HYDIN: variants seen among roughly 807,000 people sequenced by gnomAD.
HYDIN encodes the protein axonemal central pair apparatus protein HYDIN.
Under a neutral mutation model 403.9 loss-of-function variants are expected in HYDIN, and 132 were observed. The observed-to-expected ratio is 0.33, with a 90% CI of 0.28 to 0.38. The LOEUF (loss-of-function observed/expected upper bound fraction) is 0.38. HYDIN is among the 10% of genes least tolerant of loss of function. The probability of loss-of-function intolerance (pLI) is 1.00; values close to 1 mark genes in which losing one functional copy is unlikely to be tolerated. For synonymous variants in HYDIN, 1,202 were observed against 1,891.7 expected (o/e 0.64, Z 9.46); for missense variants, 2,827 against 5,009.5 (o/e 0.56, Z 13.15).
intron 5 of HYDIN, among the ~76,000 whole-genome samples, chr16:71,168,306 C>A: frequency 8.1e-6 from 1 of 124,064 alleles, no homozygotes; most frequent in African/African-American, 3.2e-5. Context: ...GCAACAAGAG[C>A]AAAACCCTGC....
At chr16:71,207,964 A>G (rs570444980) in intron 1 of HYDIN, among the ~76,000 whole-genome samples, 73 of 152,308 alleles carry the variant, frequency 4.8e-4, no homozygotes, top group African/African-American at 1.7e-3. Flanking sequence ...TTTCACAAAC[A>G]ATAATAGTTG....
chr16:71,206,495 C>T (rs1218317209), intron 1 of HYDIN, among the ~76,000 whole-genome samples: 4 of 152,190 alleles, frequency 2.6e-5, no homozygotes, highest in African/African-American at 9.6e-5. Context: ...AACGCAAGAA[C>T]TCCAGCAACT....
At chr16:70,877,378 A>G (rs1394651665) in intron 62 of HYDIN, among the ~76,000 whole-genome samples, 1 of 152,078 alleles carries the variant, frequency 6.6e-6, no homozygotes, top group Non-Finnish European at 1.5e-5. Flanking sequence ...AATTAAAAGA[A>G]CTCCACACCT....
chr16:71,220,228 T>C (rs1373048256), intron 1 of HYDIN, among the ~76,000 whole-genome samples: 2 of 152,236 alleles, frequency 1.3e-5, no homozygotes, highest in East Asian at 3.8e-4. Flanking sequence ...TTTCATGTTC[T>C]AAATGTTTCT....
chr16:70,835,447 CA>C (rs1270201893), intron 78 of HYDIN, among the ~76,000 whole-genome samples: 1 of 152,120 alleles, frequency 6.6e-6, no homozygotes, highest in Admixed American at 6.5e-5. Context: ...AATGAAAATG[CA>C]AAATGAAAAT....
At position 70,879,727 on chromosome 16, in the gene HYDIN, T is replaced by G; in HGVS notation, c.10245A>C (p.Glu3415Asp). ...CAATGCACATCTTGCTGGGTTCCAC[T>G]TCAAAAATGTCGACGATGCGGGCAA... ...KPFARIVDIF[E>D]VEPSKMCIAS... Residue 3415 changes from glutamate to aspartate, a missense_variant, in exon 61 of 86, where the codon GAA (glutamate) becomes GAC (aspartate). Physicochemically the swap from Glu to Asp is conservative, Grantham distance 45 (BLOSUM62 2). Coordinates refer to ENST00000393567, the MANE Select transcript of HYDIN (RefSeq NM_001270974.2). 1 of 1,376,224 alleles carries G rather than the reference T, an allele frequency of 7.3e-7. No homozygotes were observed. The highest frequency in any genetic ancestry group is 1.0e-6 in the Non-Finnish European group (1 of 980,104). 85.3% of individuals were successfully genotyped at this position (1,376,224 alleles called of 1,614,324 possible).
chr16:71,179,590 A>T (rs930097667), intron 3 of HYDIN, among the ~76,000 whole-genome samples: 1 of 152,272 alleles, frequency 6.6e-6, no homozygotes, highest in Admixed American at 6.5e-5. Context: ...TTCTCATCAT[A>T]CAAAACAATA....
chr16:71,139,151 G>A (rs1456141984), intron 7 of HYDIN, among the ~76,000 whole-genome samples: 6 of 149,562 alleles, frequency 4.0e-5, no homozygotes, highest in Non-Finnish European at 5.9e-5. Flanking sequence ...TGAACTGGAA[G>A]TAGATTAGCC....
At chr16:71,215,534 A>G (rs1287044626) in intron 1 of HYDIN, among the ~76,000 whole-genome samples, 2 of 151,354 alleles carry the variant, frequency 1.3e-5, no homozygotes, top group African/African-American at 4.9e-5. Context: ...AATCTGGCTG[A>G]TAACACGTAA....
intron 66 of HYDIN, among the ~76,000 whole-genome samples, chr16:70,866,950 A>G (rs547944875): frequency 6.8e-6 from 1 of 147,488 alleles, no homozygotes; most frequent in Admixed American, 6.8e-5. Context: ...TCTTGAACCT[A>G]GGAGGTGGAG....
chr16:70,930,596 A>G (rs1335146118), intron 45 of HYDIN, among the ~76,000 whole-genome samples: 1 of 152,212 alleles, frequency 6.6e-6, no homozygotes, highest in African/African-American at 2.4e-5. Context: ...AAGGAGAGAG[A>G]GCCAAAGAAG....
intron 78 of HYDIN, among the ~76,000 whole-genome samples, chr16:70,834,446 C>A (rs1314516807): frequency 2.6e-5 from 4 of 151,992 alleles, no homozygotes; most frequent in African/African-American, 9.7e-5. Flanking sequence ...TTCCTTCTTT[C>A]TTCCTCCTCC....
At chr16:71,178,844 C>T (rs1720763885) in intron 4 of HYDIN, 84 bp downstream of exon 4, 3 of 1,145,150 alleles carry the variant, frequency 2.6e-6, no homozygotes, top group Non-Finnish European at 3.7e-6. Context: ...AAGAACTTAT[C>T]AAAGATCCCT....
intron 25 of HYDIN, among the ~76,000 whole-genome samples, chr16:70,989,719 T>G (rs1410747087): frequency 6.6e-6 from 1 of 152,216 alleles, no homozygotes; most frequent in Non-Finnish European, 1.5e-5. Context: ...AAAAAAGACT[T>G]CTATCCCTAC....
intron 7 of HYDIN, among the ~76,000 whole-genome samples, chr16:71,139,209 T>C (rs1289526799): frequency 6.6e-6 from 1 of 151,386 alleles, no homozygotes; most frequent in Admixed American, 6.6e-5. Context: ...GTCTTGCAAA[T>C]AACTTCAAAC....
rs935748675 is a variant in HYDIN, at chr16:71,230,625, C to T, written c.-87G>A. The T allele has an allele frequency of 3.4e-5, 52 of 1,536,000 alleles. No homozygotes were observed. Among genetic ancestry groups the T allele is most frequent in the Non-Finnish European group, 4.5e-5 (52 of 1,146,892 alleles). On this transcript the variant is annotated 5_prime_UTR_variant, in exon 1 of 86. Coordinates refer to ENST00000393567, the MANE Select transcript of HYDIN (RefSeq NM_001270974.2). Reference sequence around the variant, plus strand: ...TTCCCCGCCAAGACCCCGCGTCCAACTCACAGACCCCGCCGCCGCTGAGGG... The same window carrying T: ...TTCCCCGCCAAGACCCCGCGTCCAATTCACAGACCCCGCCGCCGCTGAGGG...
intron 47 of HYDIN, among the ~76,000 whole-genome samples, chr16:70,913,004 T>C (rs1211863741): frequency 1.3e-5 from 2 of 151,960 alleles, no homozygotes; most frequent in Non-Finnish European, 2.9e-5. Context: ...ATTGAGGTTA[T>C]TTGGATTTTT....
At chr16:71,090,469 GAC>G (rs1286741582) in intron 11 of HYDIN, 1 of 152,076 alleles carries the variant, frequency 6.6e-6, no homozygotes, top group Non-Finnish European at 1.5e-5. Flanking sequence ...GCTTAAAAAT[GAC>G]AGAGACTGTT....
chr16:71,049,147 G>C (rs1344543793), intron 18 of HYDIN, among the ~76,000 whole-genome samples: 1 of 152,286 alleles, frequency 6.6e-6, no homozygotes, highest in Non-Finnish European at 1.5e-5. Context: ...CGAACCTACA[G>C]ACCTACTGGG....
Sources: allele counts gnomAD v4.1 joint callset (sites outside exome capture counted in the v4.1 genomes callset), GRCh38; gene constraint gnomAD v4.1.1; transcripts MANE v1.5; gene names NCBI Gene and HGNC (gene_info 2026-07-23, HGNC 2026-07-21).